ARL8B: variants seen among roughly 807,000 people sequenced by gnomAD.
ARL8B encodes the protein ARF like GTPase 8B.
Under a neutral mutation model 30.6 loss-of-function variants are expected in ARL8B, and 9 were observed. That is an observed-to-expected ratio of 0.29 (90% CI 0.18 to 0.51). ARL8B has a LOEUF of 0.51. Ranked by LOEUF, ARL8B falls within the 20% of genes least tolerant of loss-of-function variation. The pLI is 0.97. For missense variants in ARL8B, 130 were observed against 227.2 expected (o/e 0.57, Z 2.75); for synonymous variants, 74 against 76.0 (o/e 0.97, Z 0.14).
At chr3:5,137,438 T>TC (rs1559277213) in intron 1 of ARL8B, among the ~76,000 whole-genome samples, 1 of 57,408 alleles carries the variant, frequency 1.7e-5, no homozygotes, top group Non-Finnish European at 3.1e-5. Flanking sequence ...TAATTTTCTC[T>TC]TTTTTTTTTT....
intron 1 of ARL8B, among the ~76,000 whole-genome samples, chr3:5,135,254 TATTTC>T (rs1254450811): frequency 2.6e-5 from 4 of 152,178 alleles, no homozygotes; most frequent in Non-Finnish European, 5.9e-5. Flanking sequence ...CAGTAAAAAT[TATTTC>T]ATTTAATTAA....
chr3:5,126,013 G>T, intron 1 of ARL8B, among the ~76,000 whole-genome samples: 1 of 151,926 alleles, frequency 6.6e-6, no homozygotes, highest in East Asian at 1.9e-4. Context: ...ATTATGATTT[G>T]TCAATTAAAA....
chr3:5,147,553 C>G (rs1400109081), intron 1 of ARL8B, among the ~76,000 whole-genome samples: 2 of 152,120 alleles, frequency 1.3e-5, no homozygotes, highest in Non-Finnish European at 2.9e-5. Flanking sequence ...TTCTCTATGT[C>G]AGAATCTATC....
At chr3:5,170,962 C>G (rs1037846439) in intron 2 of ARL8B, 2 of 157,368 alleles carry the variant, frequency 1.3e-5, no homozygotes, top group African/African-American at 4.8e-5. Context: ...AACTCCTAAC[C>G]TCAAATGATC....
At chr3:5,129,446 T>C (rs913377534) in intron 1 of ARL8B, among the ~76,000 whole-genome samples, 1 of 152,236 alleles carries the variant, frequency 6.6e-6, no homozygotes, top group African/African-American at 2.4e-5. Context: ...AACGGTATTT[T>C]AAAATTATCC....
At chr3:5,173,502 C>T (rs773817825) in intron 4 of ARL8B, among the ~76,000 whole-genome samples, 25 of 152,070 alleles carry the variant, frequency 1.6e-4, no homozygotes, top group Admixed American at 1.2e-3. Flanking sequence ...TTTGGGAGGC[C>T]GAGATGGGCG....
At chr3:5,162,291 C>T (rs779757150) in intron 1 of ARL8B, among the ~76,000 whole-genome samples, 17 of 152,238 alleles carry the variant, frequency 1.1e-4, no homozygotes, top group African/African-American at 1.7e-4. Context: ...GAGCCACAGT[C>T]AGTCCATTTG....
intron 1 of ARL8B, among the ~76,000 whole-genome samples, chr3:5,154,215 ACT>A (rs1559281658): frequency 2.0e-5 from 3 of 147,306 alleles, no homozygotes; most frequent in African/African-American, 7.6e-5. Context: ...TTCCTGAATT[ACT>A]CTCTCTCTTA....
intron 1 of ARL8B, among the ~76,000 whole-genome samples, chr3:5,160,429 T>C (rs2054570905): frequency 6.6e-6 from 1 of 152,206 alleles, no homozygotes; most frequent in Non-Finnish European, 1.5e-5. Flanking sequence ...AAATAATCTT[T>C]AGAGACCTTT....
chr3:5,155,164 C>T (rs1419219062), intron 1 of ARL8B, among the ~76,000 whole-genome samples: 2 of 152,072 alleles, frequency 1.3e-5, no homozygotes, highest in East Asian at 1.9e-4. Flanking sequence ...TTCTGAAGGA[C>T]GTTTTAGCTG....
intron 1 of ARL8B, among the ~76,000 whole-genome samples, chr3:5,150,789 A>T (rs113544232): frequency 6.6e-6 from 1 of 152,162 alleles, no homozygotes; most frequent in Non-Finnish European, 1.5e-5. Flanking sequence ...TCTCAAAATA[A>T]AATAAAATAA....
chr3:5,170,878 G>T (rs2054667502), intron 2 of ARL8B: 2 of 228,838 alleles, frequency 8.7e-6, no homozygotes, highest in Non-Finnish European at 1.7e-5. Context: ...TGACAGGCTT[G>T]TGCCACCACA....
At chr3:5,150,531 C>T (rs1375649698) in intron 1 of ARL8B, among the ~76,000 whole-genome samples, 3 of 151,520 alleles carry the variant, frequency 2.0e-5, no homozygotes. Context: ...ATCTGTAATC[C>T]CAGCACTTTG....
At chr3:5,174,507 T>A (rs2054707797) in intron 6 of ARL8B, 93 bp downstream of exon 6, 3 of 856,248 alleles carry the variant, frequency 3.5e-6, no homozygotes, top group Admixed American at 2.0e-5. Flanking sequence ...TCTCATTAAG[T>A]GACTTCCTTT....
At chr3:5,168,064 T>G (rs1337405403) in intron 1 of ARL8B, among the ~76,000 whole-genome samples, 1 of 152,052 alleles carries the variant, frequency 6.6e-6, no homozygotes, top group Non-Finnish European at 1.5e-5. Context: ...ATGGCCTATG[T>G]TTTTTTTGAG....
chr3:5,154,313 A>G (rs1019599751), intron 1 of ARL8B, among the ~76,000 whole-genome samples: 3 of 152,110 alleles, frequency 2.0e-5, no homozygotes, highest in African/African-American at 7.2e-5. Flanking sequence ...TTTTTTAAAA[A>G]AAAATTTTAT....
At chr3:5,172,103 T>A (rs1183461403) in intron 2 of ARL8B, 47 bp from the exon 3 acceptor site, 2 of 1,507,778 alleles carry the variant, frequency 1.3e-6, no homozygotes, top group African/African-American at 2.8e-5. Flanking sequence ...CTTGCAATCA[T>A]TTAATTAAAA....
intron 1 of ARL8B, among the ~76,000 whole-genome samples, chr3:5,124,395 C>T (rs1002458707): frequency 1.3e-4 from 19 of 151,440 alleles, no homozygotes; most frequent in Non-Finnish European, 2.2e-4. Flanking sequence ...CATGAGCCAC[C>T]GTTCCTGGCC....
chr3:5,146,257 T>C (rs1029377772), intron 1 of ARL8B, among the ~76,000 whole-genome samples: 2 of 152,214 alleles, frequency 1.3e-5, no homozygotes, highest in South Asian at 2.1e-4. Flanking sequence ...GAACCACTTA[T>C]GTTCATAGGG....
Sources: allele counts gnomAD v4.1 joint callset (sites outside exome capture counted in the v4.1 genomes callset), GRCh38; gene constraint gnomAD v4.1.1; transcripts MANE v1.5; gene names NCBI Gene and HGNC (gene_info 2026-07-23, HGNC 2026-07-21).